The following NCOA3 variants were observed in gnomAD, a reference collection of about 807,000 sequenced individuals.
NCOA3 encodes the protein nuclear receptor coactivator 3, also known as CBP-interacting protein.
In NCOA3, 51 loss-of-function variants were observed where a neutral mutation model predicts 158.8. That is an observed-to-expected ratio of 0.32 (90% CI 0.26 to 0.41). NCOA3 has a LOEUF of 0.41. Ranked by LOEUF, NCOA3 falls within the 10% of genes least tolerant of loss-of-function variation. The pLI, the probability that NCOA3 is intolerant of heterozygous loss-of-function variation, is 1.00. For synonymous variants in NCOA3, 537 were observed against 592.4 expected, an observed-to-expected ratio of 0.91 and a Z score of 1.36; for missense variants, 1,510 against 1,746.6, an observed-to-expected ratio of 0.86 and a Z score of 2.41.
chr20:47,645,390 A>ATT (rs2086671160), intron 17 of NCOA3, among the ~76,000 whole-genome samples: 1 of 152,026 alleles, frequency 6.6e-6, no homozygotes, highest in Non-Finnish European at 1.5e-5. Flanking sequence ...TGGAGTCTCA[A>ATT]TAGATCTGTG....
intron 2 of NCOA3, among the ~76,000 whole-genome samples, chr20:47,620,273 C>G (rs1312714012): frequency 6.6e-6 from 1 of 151,756 alleles, no homozygotes; most frequent in Admixed American, 6.6e-5. Context: ...TGATGCCTGG[C>G]TTATTTTTAA....
intron 2 of NCOA3, among the ~76,000 whole-genome samples, chr20:47,585,755 GCTT>G (rs776307521): frequency 2.2e-4 from 33 of 152,052 alleles, no homozygotes; most frequent in Non-Finnish European, 4.3e-4. Context: ...CCTTTCCTTG[GCTT>G]ACAGAAAGAA....
chr20:47,567,321 C>T (rs969823537), intron 1 of NCOA3, among the ~76,000 whole-genome samples: 6 of 152,052 alleles, frequency 3.9e-5, no homozygotes, highest in Admixed American at 3.9e-4. Flanking sequence ...GCTAGGATTA[C>T]AGGTGTGAGC....
At chr20:47,648,002 C>A (rs766372185) in intron 18 of NCOA3, among the ~76,000 whole-genome samples, 27 of 151,104 alleles carry the variant, frequency 1.8e-4, no homozygotes, top group Non-Finnish European at 3.7e-4. Flanking sequence ...GCAACCTCCA[C>A]CTTCTGGGTT....
At chr20:47,601,791 C>T (rs913842536) in intron 2 of NCOA3, among the ~76,000 whole-genome samples, 7 of 152,132 alleles carry the variant, frequency 4.6e-5, no homozygotes, top group Admixed American at 3.9e-4. Context: ...TATGTATAAC[C>T]ATTACATGCA....
chr20:47,637,181 G>C (rs2086529032), intron 12 of NCOA3, among the ~76,000 whole-genome samples: 1 of 152,210 alleles, frequency 6.6e-6, no homozygotes, highest in Non-Finnish European at 1.5e-5. Context: ...ATGCACTTGA[G>C]AAAATGAAAG....
In NCOA3 at chr20:47,621,748, G is replaced by A. The variant is rs549392506; in HGVS notation, c.-19-481G>A. 2.7e-5 allele frequency among the ~76,000 whole-genome samples: 4 copies of A among 147,148 alleles called. No homozygotes were observed. In the South Asian group the frequency reaches 8.5e-4, roughly 31 times the overall value. ...CGGCTCACTGCAACGTCTACCCCTC[G>A]GTTCAAGTGATTCTCCTGCCTCAGC... On this transcript the variant is annotated intron_variant, in intron 2 of 22. Coordinates refer to ENST00000371998, the MANE Select transcript of NCOA3 (RefSeq NM_181659.3).
intron 1 of NCOA3, among the ~76,000 whole-genome samples, chr20:47,535,636 T>C (rs979627425): frequency 1.3e-5 from 2 of 151,918 alleles, no homozygotes; most frequent in African/African-American, 4.8e-5. Flanking sequence ...GCCTCCCGAG[T>C]AGCTGGGATT....
At chr20:47,513,596 C>T (rs1006953881) in intron 1 of NCOA3, among the ~76,000 whole-genome samples, 2 of 151,804 alleles carry the variant, frequency 1.3e-5, no homozygotes, top group African/African-American at 2.4e-5. Flanking sequence ...CGTGGTGACA[C>T]ACACCTATAA....
In NCOA3 at chr20:47,653,653, A is replaced by G; in HGVS notation, c.*236A>G. The G allele has an allele frequency of 1.9e-6, 1 of 515,192 alleles. No individual in the cohort carries two copies. Among genetic ancestry groups the G allele is most frequent in the East Asian group, 2.9e-5 (1 of 34,258 alleles). The allele number at this position is 515,192 out of a possible 1,614,324, so 31.9% of individuals were successfully genotyped here. A position where few individuals can be genotyped will look rare whatever the true frequency, so the allele number is the denominator to read the frequency against. On this transcript the variant is annotated 3_prime_UTR_variant, in exon 23 of 23. Transcript: ENST00000371998. ...GTGTATCATGGTGTTCAAAACAGAA[A>G]TGTTTTTTGGCATTCCACCTCCTAG...
chr20:47,542,990 C>T (rs2084770795), intron 1 of NCOA3, among the ~76,000 whole-genome samples: 1 of 152,094 alleles, frequency 6.6e-6, no homozygotes, highest in African/African-American at 2.4e-5. Context: ...ACCTCCCAAA[C>T]TCCTTAGTAT....
chr20:47,559,628 C>T (rs1333204402), intron 1 of NCOA3, among the ~76,000 whole-genome samples: 1 of 150,756 alleles, frequency 6.6e-6, no homozygotes, highest in Non-Finnish European at 1.5e-5. Flanking sequence ...CCTCTGTAAT[C>T]CCAGCACTTT....
intron 2 of NCOA3, among the ~76,000 whole-genome samples, chr20:47,589,517 A>G (rs1254390213): frequency 2.0e-5 from 3 of 151,830 alleles, no homozygotes; most frequent in Non-Finnish European, 4.4e-5. Flanking sequence ...CTGGGATTAC[A>G]GGTGCCCACT....
At chr20:47,564,185 C>T (rs576900106) in intron 1 of NCOA3, among the ~76,000 whole-genome samples, 52 of 151,900 alleles carry the variant, frequency 3.4e-4, no homozygotes, top group African/African-American at 1.2e-3. Context: ...CACCTTTCTC[C>T]GTTTTTTTCC....
chr20:47,628,834 A>G lies in NCOA3; in HGVS notation c.823+811A>G, dbSNP rs145416765. On this transcript the variant is annotated intron_variant, in intron 8 of 22. Transcript: ENST00000371998. ...ATTAATGAAATTAAACACTGTGGCA[A>G]TATTATTTTTATTTACCTTCAGGGT... 2.8e-3 allele frequency: 426 copies of G among 152,308 alleles called. 3 individuals are homozygous for G. The highest frequency in any genetic ancestry group is 9.9e-3 in the African/African-American group (410 of 41,562). The allele number at this position is 152,308 out of a possible 1,614,324, so 9.4% of individuals were successfully genotyped here.
At chr20:47,524,345 A>G (rs1005917404) in intron 1 of NCOA3, among the ~76,000 whole-genome samples, 2 of 152,202 alleles carry the variant, frequency 1.3e-5, no homozygotes, top group Non-Finnish European at 2.9e-5. Flanking sequence ...GAGACCGAGG[A>G]TAGAAAGAGA....
At chr20:47,522,939 C>T (rs1297058941) in intron 1 of NCOA3, among the ~76,000 whole-genome samples, 1 of 151,506 alleles carries the variant, frequency 6.6e-6, no homozygotes, top group African/African-American at 2.4e-5. Flanking sequence ...CCCTGTAATG[C>T]CAGCACTTTG....
intron 14 of NCOA3, 41 bp from the exon 15 acceptor site, chr20:47,639,536 T>TGG: frequency 6.2e-7 from 1 of 1,606,508 alleles, no homozygotes; most frequent in Non-Finnish European, 8.5e-7. Context: ...AAGGATTTCA[T>TGG]TATAATATGG....
chr20:47,505,329 G>A (rs1231217135), intron 1 of NCOA3, among the ~76,000 whole-genome samples: 1 of 151,796 alleles, frequency 6.6e-6, no homozygotes, highest in African/African-American at 2.4e-5. Context: ...CAAAGTGCTG[G>A]GATTACAGGT....
Sources: gnomAD v4.1 joint callset for allele counts (sites outside exome capture counted in the v4.1 genomes callset) on GRCh38, gnomAD v4.1.1 for gene constraint, MANE v1.5 for transcripts, NCBI Gene and HGNC (gene_info 2026-07-23, HGNC 2026-07-21) for gene names.